TWIST2: variants seen among roughly 807,000 people sequenced by gnomAD.
TWIST2 encodes the protein twist family bHLH transcription factor 2.
In TWIST2, 1 loss-of-function variant was observed where a neutral mutation model predicts 11.6. The observed-to-expected ratio is 0.09, with a 90% CI of 0.03 to 0.41. The LOEUF (loss-of-function observed/expected upper bound fraction) is 0.41, where lower values mean the gene tolerates loss of function less well. TWIST2 is among the 10% of genes least tolerant of loss of function. The pLI is 0.98. For synonymous variants in TWIST2, 87 were observed against 96.6 expected, an observed-to-expected ratio of 0.90 and a Z score of 0.58; for missense variants, 168 against 226.4, an observed-to-expected ratio of 0.74 and a Z score of 1.66.
chr2:238,869,363 C>T (rs572099048), intron 1 of TWIST2, among the ~76,000 whole-genome samples: 3 of 152,278 alleles, frequency 2.0e-5, no homozygotes, highest in South Asian at 2.1e-4. Flanking sequence ...AATGGGACTA[C>T]GTCGAACTTA....
chr2:238,885,333 G>C (rs1693014401), intron 1 of TWIST2, among the ~76,000 whole-genome samples: 2 of 152,348 alleles, frequency 1.3e-5, no homozygotes, highest in East Asian at 3.9e-4. Flanking sequence ...GACTCAGCTT[G>C]CTTTATTTAG....
intron 1 of TWIST2, among the ~76,000 whole-genome samples, chr2:238,909,399 A>C (rs1240516425): frequency 6.6e-6 from 1 of 152,114 alleles, no homozygotes; most frequent in Non-Finnish European, 1.5e-5. Flanking sequence ...TCCTCGCTGG[A>C]ACCCAGCCCT....
intron 1 of TWIST2, among the ~76,000 whole-genome samples, chr2:238,890,954 C>T (rs893870892): frequency 6.6e-6 from 1 of 152,170 alleles, no homozygotes; most frequent in Non-Finnish European, 1.5e-5. Flanking sequence ...CTCACCTGCA[C>T]CCCGGGACCT....
At chr2:238,854,760 G>C (rs1271664494) in intron 1 of TWIST2, among the ~76,000 whole-genome samples, 1 of 152,174 alleles carries the variant, frequency 6.6e-6, no homozygotes, top group Admixed American at 6.5e-5. Flanking sequence ...GGCTCCATGA[G>C]GGACAGCTTG....
At chr2:238,895,585 G>T (rs1693197073) in intron 1 of TWIST2, among the ~76,000 whole-genome samples, 1 of 152,214 alleles carries the variant, frequency 6.6e-6, no homozygotes, top group African/African-American at 2.4e-5. Flanking sequence ...GGCTGCTCGT[G>T]GCTGGCCAGC....
Position 238,879,471 on chromosome 2 carries a change from C to T in TWIST2, c.*36-30371C>T, listed in dbSNP as rs182179319. On this transcript the variant is annotated intron_variant, in intron 1 of 1. Transcript: ENST00000612363. Reference sequence around the variant, plus strand: ...CAGCAAATGCACACCTCCCTCCAGCCGGGACTACCTGGCCACTAGGCCACA... The same window carrying T: ...CAGCAAATGCACACCTCCCTCCAGCTGGGACTACCTGGCCACTAGGCCACA... Among the ~76,000 whole-genome samples, 41 of 152,310 alleles carry T rather than the reference C, an allele frequency of 2.7e-4. 1 individual carries two copies. In the East Asian group the frequency reaches 3.1e-3, roughly 11 times the overall value.
chr2:238,856,356 G>A (rs1001176744), intron 1 of TWIST2, among the ~76,000 whole-genome samples: 2 of 152,192 alleles, frequency 1.3e-5, no homozygotes, highest in African/African-American at 4.8e-5. Context: ...GATGAGCACG[G>A]TTACTCACCT....
At chr2:238,903,475 TG>T (rs1693304467) in intron 1 of TWIST2, among the ~76,000 whole-genome samples, 2 of 109,624 alleles carry the variant, frequency 1.8e-5, no homozygotes, top group South Asian at 6.4e-4. Flanking sequence ...GTGTGATGTG[TG>T]TGCATGATGT....
chr2:238,861,770 G>C (rs1692441409), intron 1 of TWIST2, among the ~76,000 whole-genome samples: 3 of 152,210 alleles, frequency 2.0e-5, no homozygotes, highest in Non-Finnish European at 4.4e-5. Context: ...GTCAACCACA[G>C]TCCAAAGTTA....
At position 238,848,110 on chromosome 2, in the gene TWIST2, C is replaced by A; in HGVS notation, c.-106C>A. ...GCACAAGCCGGCCTTGAAATCAGAG[C>A]CTTTCCAGCAACTCCGAGAGCGTGT... On this transcript the variant is annotated 5_prime_UTR_variant, in exon 1 of 2. Coordinates refer to ENST00000612363, the MANE Select transcript of TWIST2 (RefSeq NM_001271893.4). The A allele has an allele frequency of 1.1e-6, 1 of 944,408 alleles. No individual in the cohort carries two copies. Among genetic ancestry groups the A allele is most frequent in the Non-Finnish European group, 1.3e-6 (1 of 754,746 alleles). 58.5% of individuals were successfully genotyped at this position (944,408 alleles called of 1,614,324 possible).
At chr2:238,893,700 G>A (rs1044238740) in intron 1 of TWIST2, among the ~76,000 whole-genome samples, 20 of 152,328 alleles carry the variant, frequency 1.3e-4, no homozygotes, top group South Asian at 6.2e-4. Flanking sequence ...ACAGTGTGGG[G>A]TCCGGCACTC....
chr2:238,891,264 G>A (rs561205597), intron 1 of TWIST2, among the ~76,000 whole-genome samples: 14 of 152,292 alleles, frequency 9.2e-5, no homozygotes, highest in African/African-American at 3.1e-4. Context: ...GGGAGCATTC[G>A]GACTCCTGGT....
intron 1 of TWIST2, among the ~76,000 whole-genome samples, chr2:238,860,255 A>G (rs563769320): frequency 6.6e-6 from 1 of 152,312 alleles, no homozygotes; most frequent in East Asian, 1.9e-4. Context: ...ACCTGGAGAC[A>G]TCAGGAGGGT....
chr2:238,868,439 GT>G (rs1163804932), intron 1 of TWIST2, among the ~76,000 whole-genome samples: 1 of 152,232 alleles, frequency 6.6e-6, no homozygotes, highest in African/African-American at 2.4e-5. Context: ...CAGGGGCAGG[GT>G]GGAGAGCCTC....
chr2:238,899,628 C>G (rs1196684934), intron 1 of TWIST2, among the ~76,000 whole-genome samples: 1 of 152,230 alleles, frequency 6.6e-6, no homozygotes, highest in Non-Finnish European at 1.5e-5. Flanking sequence ...CTGTGCCCAT[C>G]CCGGCATGCT....
intron 1 of TWIST2, among the ~76,000 whole-genome samples, chr2:238,885,297 A>G (rs542957392): frequency 6.6e-6 from 1 of 152,188 alleles, no homozygotes; most frequent in African/African-American, 2.4e-5. Flanking sequence ...GCCACACAGT[A>G]CCTGGCCAAA....
intron 1 of TWIST2, among the ~76,000 whole-genome samples, chr2:238,865,582 G>A (rs748504972): frequency 1.5e-4 from 23 of 152,188 alleles, no homozygotes; most frequent in African/African-American, 2.2e-4. Flanking sequence ...CCCTACTCAC[G>A]TCACCCACCT....
At chr2:238,900,403 G>A (rs1046165145) in intron 1 of TWIST2, among the ~76,000 whole-genome samples, 1 of 152,218 alleles carries the variant, frequency 6.6e-6, no homozygotes. Flanking sequence ...CCAGTTGACT[G>A]TGGGCCTCTC....
At chr2:238,893,747 T>A (rs1004589866) in intron 1 of TWIST2, among the ~76,000 whole-genome samples, 9,080 of 152,296 alleles carry the variant, frequency 0.06, 447 homozygotes, top group East Asian at 0.23. Flanking sequence ...TGTTCGCAGC[T>A]TCTGGCACTT....
Sources: gnomAD v4.1 joint callset for allele counts (sites outside exome capture counted in the v4.1 genomes callset) on GRCh38, gnomAD v4.1.1 for gene constraint, MANE v1.5 for transcripts, NCBI Gene and HGNC (gene_info 2026-07-23, HGNC 2026-07-21) for gene names.